ACAD10: variants seen among roughly 807,000 people sequenced by gnomAD.
The protein encoded by ACAD10 is acyl-CoA dehydrogenase family member 10.
In ACAD10, 112 loss-of-function variants were observed where a neutral mutation model predicts 116.8. That is an observed-to-expected ratio of 0.96 (90% CI 0.82 to 1.12). ACAD10 has a LOEUF of 1.12. ACAD10 is among the 50% of genes most tolerant of loss of function. The probability of loss-of-function intolerance (pLI) is 0.00; values close to 1 mark genes in which losing one functional copy is unlikely to be tolerated. For missense variants in ACAD10, 1,259 were observed against 1,350.2 expected (o/e 0.93, Z 1.06); for synonymous variants, 486 against 510.6 (o/e 0.95, Z 0.65).
intron 14 of ACAD10, among the ~76,000 whole-genome samples, chr12:111,746,791 A>G (rs1344176250): frequency 6.6e-6 from 1 of 152,184 alleles, no homozygotes; most frequent in Non-Finnish European, 1.5e-5. Flanking sequence ...ACTTGAGGCC[A>G]GGAGTTCGAC....
intron 18 of ACAD10, among the ~76,000 whole-genome samples, chr12:111,750,814 A>T (rs1890054025): frequency 6.6e-6 from 1 of 152,224 alleles, no homozygotes; most frequent in South Asian, 2.1e-4. Flanking sequence ...CAGAAAGGTG[A>T]CGCAAACCCT....
Position 111,748,379 on chromosome 12 carries a change from A to G in ACAD10, c.2548A>G (p.Arg850Gly). The G allele has an allele frequency of 6.2e-7, 1 of 1,614,150 alleles. No individual in the cohort carries two copies. Among genetic ancestry groups the G allele is most frequent in the Admixed American group, 1.7e-5 (1 of 60,020 alleles). The change falls in exon 17 of 21, where the codon AGA becomes GGA. Residue 850 changes from arginine to glycine, a missense_variant. By Grantham distance (125) the Arg-to-Gly change is moderately radical (BLOSUM62 -2). Transcript: ENST00000313698. The stretch of plus-strand genomic sequence containing the variant: ...GGGAAAAACAGACCCACATGCACCA[A>G]GACACCGGCAGCAGTCTGTGCTCTT... ...FMGKTDPHAP[R>G]HRQQSVLLVP...
chr12:111,721,740 G>C lies in ACAD10; in HGVS notation c.1061+1G>C, dbSNP rs754027560. On this transcript the variant is annotated splice_donor_variant, in intron 8 of 20. Transcript: ENST00000313698. LOFTEE classifies it high-confidence loss of function. ...TTCTTGATCTCTGTGAAGATTCAAG[G>C]TAAAGTTCAGATGTTTTTGCTATTG... 1 of 1,593,578 alleles carries C rather than the reference G, an allele frequency of 6.3e-7. No individual in the cohort carries two copies. The highest frequency in any genetic ancestry group is 1.1e-5 in the South Asian group (1 of 88,972).
intron 2 of ACAD10, among the ~76,000 whole-genome samples, chr12:111,699,939 G>A (rs180743344): frequency 1.3e-4 from 20 of 151,162 alleles, no homozygotes; most frequent in African/African-American, 4.6e-4. Context: ...ATAAAGAAGG[G>A]CTAGATAGGC....
intron 17 of ACAD10, 78 bp downstream of exon 17, chr12:111,748,553 G>A: frequency 7.8e-6 from 12 of 1,535,316 alleles, no homozygotes; most frequent in Non-Finnish European, 9.8e-6. Flanking sequence ...CCCTGCTCTT[G>A]TTCAGGACTT....
At position 111,724,659 on chromosome 12, in the gene ACAD10, C is replaced by T. The variant is rs535034412; in HGVS notation, c.1061+2920C>T. ...CTCCACCAAAACCAGTCAGGCGTGG[C>T]GGCGCGTGCCTGCAATTGCAGGCAC... On this transcript the variant is annotated intron_variant, in intron 8 of 20. Transcript: ENST00000313698. Among the ~76,000 whole-genome samples the T allele has an allele frequency of 2.3e-3, 356 of 151,968 alleles. 1 individual carries two copies. Among genetic ancestry groups the T allele is most frequent in the Middle Eastern group, 0.014 (4 of 288 alleles).
At chr12:111,729,386 C>T (rs1409122412) in intron 9 of ACAD10, among the ~76,000 whole-genome samples, 3 of 152,126 alleles carry the variant, frequency 2.0e-5, no homozygotes, top group African/African-American at 7.2e-5. Context: ...GACAGGCACC[C>T]ACCACCACAC....
Position 111,702,272 on chromosome 12 carries a change from G to A in ACAD10, c.298G>A (p.Gly100Ser). 1 of 1,614,052 alleles carries A rather than the reference G, an allele frequency of 6.2e-7. No individual in the cohort carries two copies. Among genetic ancestry groups the A allele is most frequent in the Non-Finnish European group, 8.5e-7 (1 of 1,179,996 alleles). The change falls in exon 3 of 21, where the codon GGT becomes AGT. Residue 100 changes from glycine to serine, a missense_variant. Physicochemically the swap from Gly to Ser is moderately conservative, Grantham distance 56. Coordinates refer to ENST00000313698, the MANE Select transcript of ACAD10 (RefSeq NM_025247.6). ...TATGAGAGCAGAAATAACAGCAGAG[G>A]GTTTTTTACGAGAATTTGGGAGACT... ...RFMRAEITAE[G>S]FLREFGRLCS... is the part of the protein sequence containing the mutation.
At chr12:111,722,530 C>T (rs919822333) in intron 8 of ACAD10, among the ~76,000 whole-genome samples, 51 of 151,978 alleles carry the variant, frequency 3.4e-4, no homozygotes, top group Non-Finnish European at 5.1e-4. Flanking sequence ...GAGGACCCTG[C>T]GGCCTTCCGC....
At chr12:111,732,940 C>T (rs1263668389) in intron 10 of ACAD10, among the ~76,000 whole-genome samples, 24 of 152,170 alleles carry the variant, frequency 1.6e-4, no homozygotes, top group Admixed American at 1.6e-3. Context: ...CAAAGTAGGG[C>T]GGCTGTCGGG....
rs2068087866 is a variant in ACAD10, at chr12:111,756,665, G to A, written c.*192G>A. 3.1e-6 allele frequency: 3 copies of A among 964,398 alleles called. No homozygotes were observed. The highest frequency in any genetic ancestry group is 1.4e-5 in the South Asian group (1 of 71,956). 59.7% of individuals were successfully genotyped at this position (964,398 alleles called of 1,614,324 possible). A position where few individuals can be genotyped will look rare whatever the true frequency, so the allele number is the denominator to read the frequency against. Reference sequence around the variant, plus strand: ...CGTCTCTGCAAGAAGCCTGGAGTCTGTTTCAGGCCAGGAGGAGGGGATTTG... The same window carrying A: ...CGTCTCTGCAAGAAGCCTGGAGTCTATTTCAGGCCAGGAGGAGGGGATTTG... On this transcript the variant is annotated 3_prime_UTR_variant, in exon 21 of 21. Transcript: ENST00000313698.
intron 14 of ACAD10, 148 bp from the exon 15 acceptor site, chr12:111,746,901 G>A: frequency 9.5e-7 from 1 of 1,048,484 alleles, no homozygotes; most frequent in Non-Finnish European, 1.3e-6. Flanking sequence ...GGGAAGCTGA[G>A]GCATGGGAGG....
At chr12:111,693,960 T>G (rs964147521) in intron 2 of ACAD10, among the ~76,000 whole-genome samples, 2 of 152,178 alleles carry the variant, frequency 1.3e-5, no homozygotes, top group Admixed American at 1.3e-4. Flanking sequence ...GACTTTTCAT[T>G]TCCACTCTTA....
At chr12:111,690,081 C>T (rs796481897) in intron 1 of ACAD10, among the ~76,000 whole-genome samples, 21 of 152,278 alleles carry the variant, frequency 1.4e-4, no homozygotes, top group African/African-American at 5.1e-4. Flanking sequence ...ATACAGAGGG[C>T]TGACTATAGA....
intron 19 of ACAD10, 94 bp downstream of exon 19, chr12:111,754,009 C>T (rs1420265219): frequency 1.4e-6 from 2 of 1,449,164 alleles, no homozygotes; most frequent in Non-Finnish European, 1.8e-6. Flanking sequence ...ACATTAGAAA[C>T]TTTATTTCAC....
chr12:111,699,081 G>A (rs1888276330), intron 2 of ACAD10, among the ~76,000 whole-genome samples: 2 of 152,042 alleles, frequency 1.3e-5, no homozygotes, highest in Non-Finnish European at 2.9e-5. Context: ...TTTTCACCAT[G>A]TTGCCCAGGC....
Position 111,721,657 on chromosome 12 carries a change from A to G in ACAD10, c.993-14A>G. ...TCAGCCAGCAATTTTGTTTATTTTC[A>G]TTTGTCCTTGCAGGATTATGAAAGC... On this transcript the variant is annotated splice_polypyrimidine_tract_variant and intron_variant, in intron 7 of 20. Coordinates refer to ENST00000313698, the MANE Select transcript of ACAD10 (RefSeq NM_025247.6). 1 of 1,582,958 alleles carries G rather than the reference A, an allele frequency of 6.3e-7. No individual in the cohort carries two copies. The highest frequency in any genetic ancestry group is 8.6e-7 in the Non-Finnish European group (1 of 1,159,094).
At chr12:111,724,684 C>T (rs1411092193) in intron 8 of ACAD10, among the ~76,000 whole-genome samples, 1 of 152,002 alleles carries the variant, frequency 6.6e-6, no homozygotes, top group African/African-American at 2.4e-5. Flanking sequence ...ATTGCAGGCA[C>T]TCGGCAGGCT....
At chr12:111,732,349 A>G (rs1446423524) in intron 10 of ACAD10, among the ~76,000 whole-genome samples, 1 of 152,230 alleles carries the variant, frequency 6.6e-6, no homozygotes, top group Non-Finnish European at 1.5e-5. Context: ...AAGTAGAAAA[A>G]AGTTTCAAAA....
Sources: gnomAD v4.1 joint callset for allele counts (sites outside exome capture counted in the v4.1 genomes callset) on GRCh38, gnomAD v4.1.1 for gene constraint, MANE v1.5 for transcripts, NCBI Gene and HGNC (gene_info 2026-07-23, HGNC 2026-07-21) for gene names.